Variants in CDH8 observed in about 807,000 individuals in gnomAD.
CDH8 encodes cadherin-8.
Under a neutral mutation model 68.1 loss-of-function variants are expected in CDH8, and 17 were observed. The ratio of observed to expected loss-of-function variants is 0.25; its 90% CI spans 0.17 to 0.37. The LOEUF (loss-of-function observed/expected upper bound fraction) is 0.37, where lower values mean the gene tolerates loss of function less well. CDH8 is among the 10% of genes least tolerant of loss of function. The probability of loss-of-function intolerance (pLI) is 1.00; values close to 1 mark genes in which losing one functional copy is unlikely to be tolerated. For missense variants in CDH8, 763 were observed against 999.3 expected (o/e 0.76, Z 3.19); for synonymous variants, 372 against 365.1 (o/e 1.02, Z -0.21).
chr16:62,010,867 C>T (rs1188023807), intron 2 of CDH8, among the ~76,000 whole-genome samples: 3 of 151,186 alleles, frequency 2.0e-5, no homozygotes, highest in Admixed American at 6.6e-5. Context: ...CGCTTGAACC[C>T]GGGAGGTGGA....
chr16:61,727,510 G>A (rs1959410508), intron 8 of CDH8, among the ~76,000 whole-genome samples: 1 of 151,086 alleles, frequency 6.6e-6, no homozygotes, highest in South Asian at 2.1e-4. Flanking sequence ...ATAGATAAGG[G>A]ATCAATTCTT....
intron 2 of CDH8, among the ~76,000 whole-genome samples, chr16:61,994,073 G>A (rs75749622): frequency 0.028 from 4,329 of 152,198 alleles, 106 homozygotes; most frequent in Non-Finnish European, 0.042. Flanking sequence ...TCATGGCTGG[G>A]AAGTAAATAG....
At chr16:61,668,206 C>A (rs1356718117) in intron 10 of CDH8, among the ~76,000 whole-genome samples, 2 of 151,940 alleles carry the variant, frequency 1.3e-5, no homozygotes, top group Non-Finnish European at 2.9e-5. Flanking sequence ...CAGAGCAGAG[C>A]ATAACCATGA....
rs938684208 is a variant in CDH8 at position 62,023,673 on chromosome 16, G to A, written c.-199-2071C>T. Among the ~76,000 whole-genome samples, 4 of 152,086 alleles carry A rather than the reference G, an allele frequency of 2.6e-5. No individual in the cohort carries two copies. In the East Asian group the frequency reaches 5.8e-4, roughly 22 times the overall value. On this transcript the variant is annotated intron_variant, in intron 1 of 11. Coordinates refer to ENST00000577390, the MANE Select transcript of CDH8 (RefSeq NM_001796.5). The stretch of plus-strand genomic sequence containing the variant: ...GCAGTAAAAGTTGGTAAGGTATGAG[G>A]GTGTCACAAAGTTACGCAAAGATCT...
chr16:61,937,074 G>C (rs1964638584), intron 2 of CDH8, among the ~76,000 whole-genome samples: 1 of 152,006 alleles, frequency 6.6e-6, no homozygotes, highest in Non-Finnish European at 1.5e-5. Flanking sequence ...ACCTCCCAGG[G>C]TTTTTTCAGG....
chr16:61,847,568 A>G (rs1430880715), intron 4 of CDH8, among the ~76,000 whole-genome samples: 3 of 134,282 alleles, frequency 2.2e-5, no homozygotes, highest in Non-Finnish European at 3.2e-5. Flanking sequence ...ATATATATAT[A>G]TGTAATTAAT....
intron 2 of CDH8, among the ~76,000 whole-genome samples, chr16:61,980,364 G>T (rs987685696): frequency 2.6e-5 from 4 of 152,090 alleles, no homozygotes; most frequent in Non-Finnish European, 5.9e-5. Context: ...TCCTTCTATT[G>T]CTTACCAAGC....
chr16:62,012,621 T>C (rs1009518833), intron 2 of CDH8, among the ~76,000 whole-genome samples: 10 of 152,210 alleles, frequency 6.6e-5, no homozygotes, highest in Non-Finnish European at 1.2e-4. Context: ...TATTAAGTTT[T>C]ACATTTTAAT....
chr16:61,741,044 A>G (rs773643073), intron 8 of CDH8, among the ~76,000 whole-genome samples: 5 of 152,166 alleles, frequency 3.3e-5, no homozygotes, highest in African/African-American at 9.6e-5. Context: ...ATTTGCATCA[A>G]TACTTGGTAA....
intron 1 of CDH8, among the ~76,000 whole-genome samples, chr16:62,028,062 T>C (rs1383160036): frequency 1.0e-5 from 1 of 98,886 alleles, no homozygotes; most frequent in Non-Finnish European, 2.0e-5. Context: ...GTCAAATCCA[T>C]TTTTTTTTTT....
intron 2 of CDH8, among the ~76,000 whole-genome samples, chr16:61,977,358 A>G (rs1194245971): frequency 6.6e-6 from 1 of 152,200 alleles, no homozygotes; most frequent in Non-Finnish European, 1.5e-5. Context: ...ACAGTACTAT[A>G]ATAAGGAGAT....
intron 11 of CDH8, 42 bp downstream of exon 11, chr16:61,655,428 T>G: frequency 6.2e-7 from 1 of 1,603,964 alleles, no homozygotes; most frequent in East Asian, 2.2e-5. Flanking sequence ...CATTTATGAA[T>G]CAGAAAAAGG....
intron 10 of CDH8, among the ~76,000 whole-genome samples, chr16:61,694,182 G>GC: frequency 6.6e-6 from 1 of 152,092 alleles, no homozygotes; most frequent in South Asian, 2.1e-4. Flanking sequence ...TTGGCAAAGG[G>GC]AAATCCTAGA....
intron 2 of CDH8, among the ~76,000 whole-genome samples, chr16:61,917,062 AGTGTGTGTGTGTGTGTGTGT>A (rs57232370): frequency 1.2e-4 from 16 of 137,288 alleles, no homozygotes; most frequent in Admixed American, 2.2e-4. Flanking sequence ...TTTACCTATT[AGTGTGTGTGTGTGTGTGTGT>A]GTGTGTGTGT....
chr16:61,755,791 GCCTTCTTCTTCTTCTTCT>G (rs1236875745), intron 8 of CDH8, among the ~76,000 whole-genome samples: 1 of 142,860 alleles, frequency 7.0e-6, no homozygotes, highest in Non-Finnish European at 1.5e-5. Context: ...CTCCTTCTCC[GCCTTCTTCTTCTTCTTCT>G]CCTTCTTCTT....
rs372550272 is a variant in CDH8 at position 61,825,042 on chromosome 16, C to T, written c.805G>A (p.Val269Ile). 6.2e-7 allele frequency: 1 copy of T among 1,611,746 alleles called. No individual in the cohort carries two copies. Among genetic ancestry groups the T allele is most frequent in the Non-Finnish European group, 8.5e-7 (1 of 1,178,600 alleles). Reference sequence around the variant, plus strand: ...GCAAATTTTGGAGGATTGTCATTAACATCAGTAAGAGTCACTGTAAGTGTC... The same window carrying T: ...GCAAATTTTGGAGGATTGTCATTAATATCAGTAAGAGTCACTGTAAGTGTC... ...TTTLTVTLTDVNDNPPKFAQS... is the reference protein window; with the variant it reads ...TTTLTVTLTDINDNPPKFAQS... The change falls in exon 5 of 12, where the codon GTT (valine) becomes ATT (isoleucine). Residue 269 changes from valine (V) to isoleucine (I), a missense_variant. By Grantham distance (29) the Val-to-Ile change is conservative (BLOSUM62 3). This residue lies in a region of CDH8 where 366 missense variants were observed against 563.1 expected (regional missense o/e 0.65). Transcript: ENST00000577390.
intron 5 of CDH8, among the ~76,000 whole-genome samples, chr16:61,824,388 G>A (rs2143001373): frequency 6.6e-6 from 1 of 151,908 alleles, no homozygotes; most frequent in Non-Finnish European, 1.5e-5. Flanking sequence ...ATCAAATCAT[G>A]TCTCTGTCAT....
In CDH8 at chr16:61,713,757, A is replaced by C. The variant is rs1284711589; in HGVS notation, c.1654+84T>G. ...TCATAGTTGAACAAAAATTATCTTA[A>C]TGATAATTTTCAGTTATGTTATGAA... On this transcript the variant is annotated intron_variant, in intron 10 of 11. Coordinates refer to ENST00000577390, the MANE Select transcript of CDH8 (RefSeq NM_001796.5). The C allele has an allele frequency of 1.3e-5, 10 of 745,168 alleles. No homozygotes were observed. In the East Asian group the frequency reaches 2.6e-4, roughly 19 times the overall value. The allele number at this position is 745,168 out of a possible 1,614,324, so 46.2% of individuals were successfully genotyped here. A position where few individuals can be genotyped will look rare whatever the true frequency, so the allele number is the denominator to read the frequency against.
At chr16:61,944,969 C>T (rs538420015) in intron 2 of CDH8, among the ~76,000 whole-genome samples, 1 of 152,046 alleles carries the variant, frequency 6.6e-6, no homozygotes, top group East Asian at 1.9e-4. Flanking sequence ...AAAAAAATGG[C>T]CCAAATCTAA....
Sources: allele counts gnomAD v4.1 joint callset (sites outside exome capture counted in the v4.1 genomes callset), GRCh38; gene constraint gnomAD v4.1.1; regional missense constraint gnomAD v4.1.1; transcripts MANE v1.5; gene names NCBI Gene and HGNC (gene_info 2026-07-23, HGNC 2026-07-21).